DTNA: variants seen among roughly 807,000 people sequenced by gnomAD.
The protein encoded by DTNA is dystrobrevin alpha, also known as dystrophin-related protein 3.
In DTNA, 43 loss-of-function variants were observed where a neutral mutation model predicts 100.7. The observed-to-expected ratio is 0.43, with a 90% CI of 0.33 to 0.55. The LOEUF is 0.55. Among genes scored for constraint, DTNA ranks in the 20% least tolerant of loss-of-function variants. The pLI is 0.04. For synonymous variants in DTNA, 349 were observed against 347.9 expected (o/e 1.00, Z -0.04); for missense variants, 798 against 953.9 (o/e 0.84, Z 2.15).
intron 1 of DTNA, among the ~76,000 whole-genome samples, chr18:34,589,491 C>T (rs1000785731): frequency 1.3e-5 from 2 of 152,038 alleles, no homozygotes; most frequent in African/African-American, 4.8e-5. Flanking sequence ...CACCTGTAGT[C>T]CCAGCTACTT....
At chr18:34,782,604 A>T (rs973450963) in intron 3 of DTNA, among the ~76,000 whole-genome samples, 6 of 152,194 alleles carry the variant, frequency 3.9e-5, no homozygotes, top group African/African-American at 1.4e-4. Context: ...AGGGATGGTG[A>T]TTGTAGGGCA....
At chr18:34,850,140 G>A (rs2096454769) in intron 14 of DTNA, among the ~76,000 whole-genome samples, 1 of 152,170 alleles carries the variant, frequency 6.6e-6, no homozygotes, top group South Asian at 2.1e-4. Flanking sequence ...ATGATTAGCT[G>A]AGTAAATCAT....
chr18:34,733,023 G>T (rs2147386653), intron 1 of DTNA, among the ~76,000 whole-genome samples: 1 of 152,286 alleles, frequency 6.6e-6, no homozygotes. Flanking sequence ...GTGACGTTTT[G>T]GGTCCCCTGC....
chr18:34,551,807 T>C (rs1372410224), intron 1 of DTNA, among the ~76,000 whole-genome samples: 1 of 152,164 alleles, frequency 6.6e-6, no homozygotes, highest in Non-Finnish European at 1.5e-5. Context: ...AACCTTTCAG[T>C]GACTTTCTCT....
chr18:34,860,738 A>G (rs528710345), intron 16 of DTNA, among the ~76,000 whole-genome samples: 2 of 152,340 alleles, frequency 1.3e-5, no homozygotes, highest in African/African-American at 4.8e-5. Flanking sequence ...TTTCGCCACA[A>G]GAAAACTGAA....
chr18:34,628,115 A>G (rs888434895), intron 1 of DTNA, among the ~76,000 whole-genome samples: 36 of 152,104 alleles, frequency 2.4e-4, no homozygotes, highest in African/African-American at 8.2e-4. Context: ...TATGAATTCT[A>G]ATCCTTAAGA....
At chr18:34,804,911 T>C (rs2095322026) in intron 4 of DTNA, among the ~76,000 whole-genome samples, 1 of 152,170 alleles carries the variant, frequency 6.6e-6, no homozygotes, top group East Asian at 1.9e-4. Context: ...TAACAAATGA[T>C]CCCTCTCTGA....
Position 34,888,993 on chromosome 18 carries a change from A to C in DTNA, c.*1259A>C. On this transcript the variant is annotated 3_prime_UTR_variant, in exon 23 of 23. Coordinates refer to ENST00000444659, the MANE Select transcript of DTNA (RefSeq NM_001386795.1). ...TGCACTCAGTGAAAAGCTGAAGTGCAAAAGAGCTATCAAAGACAAGAGGAT... is the reference window on the plus strand; with the variant it reads ...TGCACTCAGTGAAAAGCTGAAGTGCCAAAGAGCTATCAAAGACAAGAGGAT... 1.0e-6 allele frequency: 1 copy of C among 985,914 alleles called. No individual in the cohort carries two copies. Among genetic ancestry groups the C allele is most frequent in the Non-Finnish European group, 1.2e-6 (1 of 829,944 alleles). The allele number at this position is 985,914 out of a possible 1,614,324, so 61.1% of individuals were successfully genotyped here.
chr18:34,728,510 T>C (rs2087284570), intron 1 of DTNA, among the ~76,000 whole-genome samples: 1 of 152,144 alleles, frequency 6.6e-6, no homozygotes, highest in African/African-American at 2.4e-5. Context: ...TTGAGGGCTT[T>C]ATATATTTCC....
intron 19 of DTNA, among the ~76,000 whole-genome samples, chr18:34,878,272 A>T (rs1003661600): frequency 6.6e-6 from 1 of 152,024 alleles, no homozygotes; most frequent in Non-Finnish European, 1.5e-5. Flanking sequence ...GCCTATTCAG[A>T]TTTTTTAAGT....
At chr18:34,563,633 G>GTT (rs1460017382) in intron 1 of DTNA, among the ~76,000 whole-genome samples, 133 of 152,200 alleles carry the variant, frequency 8.7e-4, no homozygotes, top group African/African-American at 3.2e-3. Context: ...TTCCTCTTCT[G>GTT]CTATATCCAC....
intron 1 of DTNA, among the ~76,000 whole-genome samples, chr18:34,662,487 C>A (rs1343736290): frequency 6.6e-6 from 1 of 152,092 alleles, no homozygotes; most frequent in Non-Finnish European, 1.5e-5. Flanking sequence ...AAATGTCTCT[C>A]ATGACTGATT....
Position 34,731,447 on chromosome 18 carries a change from CCGCAG to C in DTNA, c.-2+21003_-2+21007del, listed in dbSNP as rs2088175432. 4.6e-5 allele frequency among the ~76,000 whole-genome samples: 7 copies of C among 152,020 alleles called. No individual in the cohort carries two copies. In the South Asian group the frequency reaches 1.5e-3, roughly 32 times the overall value. ...TGAGCCGAGATTGCGCCACTGCAGTCCGCAGTCCAGCCTGGGCGACAGAGCGAGAC... is the reference window on the plus strand; with the variant it reads ...TGAGCCGAGATTGCGCCACTGCAGTCTCCAGCCTGGGCGACAGAGCGAGAC... On this transcript the variant is annotated intron_variant, in intron 1 of 22. Transcript: ENST00000444659.
intron 1 of DTNA, among the ~76,000 whole-genome samples, chr18:34,592,989 C>T (rs1317144927): frequency 6.6e-6 from 1 of 152,118 alleles, no homozygotes; most frequent in East Asian, 1.9e-4. Flanking sequence ...TCCAGGAATG[C>T]CAATCAGAGA....
chr18:34,800,712 C>T (rs2149156354), intron 4 of DTNA, among the ~76,000 whole-genome samples: 1 of 152,268 alleles, frequency 6.6e-6, no homozygotes, highest in East Asian at 1.9e-4. Context: ...AAGAATCAGT[C>T]AGAATTGAAT....
intron 11 of DTNA, among the ~76,000 whole-genome samples, chr18:34,837,601 C>T (rs1191485764): frequency 6.6e-6 from 1 of 152,320 alleles, no homozygotes; most frequent in East Asian, 1.9e-4. Flanking sequence ...TGTAGCTCCA[C>T]AGCCAAGATC....
Position 34,889,135 on chromosome 18 carries a change from T to C in DTNA, c.*1401T>C, listed in dbSNP as rs1042359603. On this transcript the variant is annotated 3_prime_UTR_variant, in exon 23 of 23. Coordinates refer to ENST00000444659, the MANE Select transcript of DTNA (RefSeq NM_001386795.1). Reference sequence around the variant, plus strand: ...CTACTTGCTTCAAGATTTGATTTTTTTAAAAAAGCCTGCGACCTATTCAAT... The same window carrying C: ...CTACTTGCTTCAAGATTTGATTTTTCTAAAAAAGCCTGCGACCTATTCAAT... 3 of 966,334 alleles carry C rather than the reference T, an allele frequency of 3.1e-6. No homozygotes were observed. The highest frequency in any genetic ancestry group is 3.6e-6 in the Non-Finnish European group (3 of 826,950). The allele number at this position is 966,334 out of a possible 1,614,324, so 59.9% of individuals were successfully genotyped here.
rs2095495249 is a variant in DTNA, at chr18:34,811,951, T to C, written c.449-8T>C. 2 of 1,613,906 alleles carry C rather than the reference T, an allele frequency of 1.2e-6. No homozygotes were observed. The highest frequency in any genetic ancestry group is 4.5e-5 in the East Asian group (2 of 44,868). The stretch of plus-strand genomic sequence containing the variant: ...GATGAATAATATCTTTCCTTTTCCT[T>C]TCATCAGATATTTTCTCAATGATTT... On this transcript the variant is annotated splice_polypyrimidine_tract_variant and splice_region_variant and intron_variant, in intron 5 of 22. Transcript: ENST00000444659.
Position 34,889,039 on chromosome 18 carries a change from T to C in DTNA, c.*1305T>C, listed in dbSNP as rs2096946970. On this transcript the variant is annotated 3_prime_UTR_variant, in exon 23 of 23. Coordinates refer to ENST00000444659, the MANE Select transcript of DTNA (RefSeq NM_001386795.1). ...AGGATAAAAGACTGGGATAGTCTTT[T>C]CCAAGGACCCTCTTTAGAGGGCCCT... 1.0e-6 allele frequency: 1 copy of C among 985,802 alleles called. No homozygotes were observed. Among genetic ancestry groups the C allele is most frequent in the South Asian group, 4.7e-5 (1 of 21,282 alleles). The allele number at this position is 985,802 out of a possible 1,614,324, so 61.1% of individuals were successfully genotyped here.
Sources: allele counts gnomAD v4.1 joint callset (sites outside exome capture counted in the v4.1 genomes callset), GRCh38; gene constraint gnomAD v4.1.1; transcripts MANE v1.5; gene names NCBI Gene and HGNC (gene_info 2026-07-23, HGNC 2026-07-21).